Variants in CDK14 observed in about 807,000 individuals in gnomAD.
The protein encoded by CDK14 is cyclin dependent kinase 14, also known as cyclin-dependent kinase 14.
In CDK14, 34 loss-of-function variants were observed where a neutral mutation model predicts 60.7. The observed-to-expected ratio is 0.56, with a 90% confidence interval of 0.43 to 0.75. The LOEUF (loss-of-function observed/expected upper bound fraction) is 0.75, where lower values mean the gene tolerates loss of function less well. Ranked by LOEUF, CDK14 falls within the 30% of genes least tolerant of loss-of-function variation. The pLI is 0.00. For missense variants in CDK14, 482 were observed against 564.1 expected, an observed-to-expected ratio of 0.85 and a Z score of 1.47; for synonymous variants, 197 against 203.7, an observed-to-expected ratio of 0.97 and a Z score of 0.28.
At chr7:91,173,295 C>T (rs1025925151) in intron 14 of CDK14, among the ~76,000 whole-genome samples, 1 of 152,122 alleles carries the variant, frequency 6.6e-6, no homozygotes, top group Non-Finnish European at 1.5e-5. Context: ...GAGGTACATT[C>T]CCAATTAAAG....
At chr7:91,105,062 T>C (rs1799247925) in intron 12 of CDK14, among the ~76,000 whole-genome samples, 1 of 152,186 alleles carries the variant, frequency 6.6e-6, no homozygotes, top group Admixed American at 6.5e-5. Context: ...CCTAAAATGC[T>C]GGATACAATA....
intron 6 of CDK14, among the ~76,000 whole-genome samples, chr7:90,889,642 A>G (rs528162572): frequency 3.1e-4 from 47 of 152,340 alleles, no homozygotes; most frequent in African/African-American, 9.4e-4. Context: ...GTAGTATAAA[A>G]TACTGTGTAC....
At chr7:90,876,052 C>T (rs75841503) in intron 6 of CDK14, among the ~76,000 whole-genome samples, 4,211 of 151,964 alleles carry the variant, frequency 0.028, 197 homozygotes, top group East Asian at 0.18. Flanking sequence ...TTGTTTTGGG[C>T]TCTCTCTTGA....
chr7:90,915,972 G>A (rs1793067310), intron 7 of CDK14, among the ~76,000 whole-genome samples: 1 of 152,170 alleles, frequency 6.6e-6, no homozygotes, highest in Non-Finnish European at 1.5e-5. Flanking sequence ...CCAAAGATCA[G>A]GTAGCATTTT....
intron 10 of CDK14, among the ~76,000 whole-genome samples, chr7:91,003,015 T>C (rs1021249750): frequency 4.6e-5 from 7 of 152,078 alleles, no homozygotes; most frequent in Non-Finnish European, 8.8e-5. Context: ...GAGCTTATAG[T>C]GAGCCGAGAT....
chr7:90,932,738 G>T (rs1793632240), intron 8 of CDK14, among the ~76,000 whole-genome samples: 2 of 152,202 alleles, frequency 1.3e-5, no homozygotes, highest in South Asian at 4.1e-4. Context: ...CTAGCTGGGT[G>T]CCTCTGCCTC....
rs572167597 is a variant in CDK14 at position 90,813,736 on chromosome 7, G to A, written c.544+23084G>A. On this transcript the variant is annotated intron_variant, in intron 5 of 14. Coordinates refer to ENST00000380050, the MANE Select transcript of CDK14 (RefSeq NM_001287135.2). The stretch of plus-strand genomic sequence containing the variant: ...TACACTCCAGCCTGGGCAACAAAGC[G>A]AGACTCTGTCTCAAAAAAAAAAAAT... 1.7e-3 allele frequency among the ~76,000 whole-genome samples: 262 copies of A among 151,334 alleles called. 1 individual carries two copies. Among genetic ancestry groups the A allele is most frequent in the Non-Finnish European group, 2.9e-3 (196 of 67,904 alleles).
chr7:91,165,970 G>T (rs1801334257), intron 14 of CDK14, among the ~76,000 whole-genome samples: 1 of 152,142 alleles, frequency 6.6e-6, no homozygotes, highest in South Asian at 2.1e-4. Flanking sequence ...TACTTTTTAA[G>T]CAAACTAATG....
At chr7:90,750,257 C>A (rs1248918961) in intron 4 of CDK14, among the ~76,000 whole-genome samples, 1 of 150,876 alleles carries the variant, frequency 6.6e-6, no homozygotes, top group African/African-American at 2.4e-5. Flanking sequence ...AAAATAATTA[C>A]AAAAATTATA....
At chr7:91,050,329 C>T (rs1244215229) in intron 11 of CDK14, among the ~76,000 whole-genome samples, 4 of 151,822 alleles carry the variant, frequency 2.6e-5, no homozygotes, top group East Asian at 1.9e-4. Flanking sequence ...AGGGGAGAGG[C>T]GATGAAATGT....
rs142984170 is a variant in CDK14 at position 90,652,644 on chromosome 7, T to C, written c.123+48395T>C. ...ATGTGCTAGAAACTGTATTTAAATA[T>C]GTGTTGTGGGGCAGATAATAATGGT... On this transcript the variant is annotated intron_variant, in intron 2 of 14. Coordinates refer to ENST00000380050, the MANE Select transcript of CDK14 (RefSeq NM_001287135.2). 5.7e-3 allele frequency among the ~76,000 whole-genome samples: 873 copies of C among 152,338 alleles called. 8 individuals carry two copies. The Middle Eastern group carries it at 0.082, about 14-fold the overall frequency.
chr7:91,176,273 C>T (rs1584171582), intron 14 of CDK14, among the ~76,000 whole-genome samples: 1 of 152,164 alleles, frequency 6.6e-6, no homozygotes, highest in East Asian at 1.9e-4. Flanking sequence ...AGAGCAAAGA[C>T]ACAACATACC....
intron 3 of CDK14, among the ~76,000 whole-genome samples, chr7:90,745,281 G>C (rs968693241): frequency 8.6e-5 from 13 of 151,992 alleles, no homozygotes; most frequent in African/African-American, 3.1e-4. Context: ...TAATAAAATT[G>C]TTGTGTTTCC....
chr7:90,613,608 A>T (rs1401584035), intron 2 of CDK14, among the ~76,000 whole-genome samples: 1 of 151,996 alleles, frequency 6.6e-6, no homozygotes, highest in East Asian at 1.9e-4. Context: ...AATTGCTTGA[A>T]CCTGGGAGTC....
intron 11 of CDK14, among the ~76,000 whole-genome samples, chr7:91,077,441 T>A (rs890793544): frequency 6.6e-6 from 1 of 151,264 alleles, no homozygotes; most frequent in Non-Finnish European, 1.5e-5. Flanking sequence ...AATTTAACAA[T>A]GTGAACATAT....
At chr7:91,126,491 C>G (rs1031590219) in intron 14 of CDK14, among the ~76,000 whole-genome samples, 2 of 152,228 alleles carry the variant, frequency 1.3e-5, no homozygotes, top group African/African-American at 4.8e-5. Flanking sequence ...GCACACTTAA[C>G]GAGCTTATAG....
At chr7:90,752,859 G>A (rs1180033122) in intron 4 of CDK14, among the ~76,000 whole-genome samples, 1 of 151,994 alleles carries the variant, frequency 6.6e-6, no homozygotes, top group Non-Finnish European at 1.5e-5. Flanking sequence ...GAGACTATTA[G>A]GAACAACTCT....
chr7:90,710,601 G>T (rs1802024320), intron 2 of CDK14: 9 of 939,314 alleles, frequency 9.6e-6, no homozygotes, highest in Non-Finnish European at 1.1e-5. Flanking sequence ...ACCTGTAGTG[G>T]TTATGCTTTT....
At chr7:91,079,389 A>T (rs918764879) in intron 11 of CDK14, 43 bp from the exon 12 acceptor site, 1 of 1,335,430 alleles carries the variant, frequency 7.5e-7, no homozygotes, top group African/African-American at 1.5e-5. Flanking sequence ...TAATATATAC[A>T]TTTGATACAA....
Sources: allele counts gnomAD v4.1 joint callset (sites outside exome capture counted in the v4.1 genomes callset), GRCh38; gene constraint gnomAD v4.1.1; transcripts MANE v1.5; gene names NCBI Gene and HGNC (gene_info 2026-07-23, HGNC 2026-07-21).